Variants in FBXO42 observed in about 807,000 individuals in gnomAD.
FBXO42 encodes the protein F-box protein 42, also known as F-box only protein 42.
A neutral mutation model predicts 71.7 loss-of-function variants in FBXO42; 12 were observed. The ratio of observed to expected loss-of-function variants is 0.17; its 90% CI spans 0.11 to 0.27. FBXO42 has a LOEUF of 0.27. FBXO42 is among the 10% of genes least tolerant of loss of function. FBXO42 has a pLI of 1.00. For missense variants in FBXO42, 707 were observed against 911.9 expected (o/e 0.78, Z 2.89); for synonymous variants, 325 against 327.5 (o/e 0.99, Z 0.08).
At chr1:16,289,591 C>A (rs1180370507) in intron 4 of FBXO42, among the ~76,000 whole-genome samples, 1 of 152,098 alleles carries the variant, frequency 6.6e-6, no homozygotes, top group African/African-American at 2.4e-5. Flanking sequence ...GCTCCTCTAA[C>A]ATGTCCTTTT....
chr1:16,337,741 G>A (rs2082563821), intron 1 of FBXO42, among the ~76,000 whole-genome samples: 1 of 151,534 alleles, frequency 6.6e-6, no homozygotes, highest in Non-Finnish European at 1.5e-5. Context: ...AAAATTAGCT[G>A]GGCACGGCGA....
At chr1:16,279,854 C>CTTTTCTTTTCTT (rs144698838) in intron 4 of FBXO42, among the ~76,000 whole-genome samples, 1 of 138,168 alleles carries the variant, frequency 7.2e-6, no homozygotes, top group Non-Finnish European at 1.5e-5. Flanking sequence ...TTTTTTTTTT[C>CTTTTCTTTTCTT]TTTTTTTTTT....
intron 5 of FBXO42, among the ~76,000 whole-genome samples, chr1:16,256,381 T>C (rs1459753164): frequency 4.6e-5 from 7 of 152,196 alleles, no homozygotes; most frequent in Non-Finnish European, 1.0e-4. Context: ...TCTTCTATTT[T>C]TTCTCTTTAG....
intron 1 of FBXO42, among the ~76,000 whole-genome samples, chr1:16,324,679 T>C (rs981707877): frequency 1.3e-5 from 2 of 152,108 alleles, no homozygotes; most frequent in Non-Finnish European, 1.5e-5. Flanking sequence ...TAGTTGGCCA[T>C]GGTGGCGCAC....
At chr1:16,301,527 G>A (rs978632600) in intron 3 of FBXO42, among the ~76,000 whole-genome samples, 5 of 151,948 alleles carry the variant, frequency 3.3e-5, no homozygotes, top group Admixed American at 2.0e-4. Flanking sequence ...GCTGCGCGTG[G>A]TGGCAGGCAC....
rs563535037 is a variant in FBXO42 at position 16,250,419 on chromosome 1, T to C, written c.*251A>G. 1 of 156,556 alleles carries C rather than the reference T, an allele frequency of 6.4e-6. No homozygotes were observed. The highest frequency in any genetic ancestry group is 1.8e-4 in the East Asian group (1 of 5,440). 9.7% of individuals were successfully genotyped at this position (156,556 alleles called of 1,614,324 possible). On this transcript the variant is annotated 3_prime_UTR_variant, in exon 10 of 10. Coordinates refer to ENST00000375592, the MANE Select transcript of FBXO42 (RefSeq NM_018994.3). This position sits in a 1 kb window ranked among gnomAD's most constrained non-coding sequence, Gnocchi z 4.7. Reference sequence around the variant, plus strand: ...CCCTGTTAAAACACAGCAACAACTTTATCTGAACCAGGATGGAAATCTCTC... The same window carrying C: ...CCCTGTTAAAACACAGCAACAACTTCATCTGAACCAGGATGGAAATCTCTC...
intron 4 of FBXO42, among the ~76,000 whole-genome samples, chr1:16,282,137 T>C (rs2081970654): frequency 6.6e-6 from 1 of 152,144 alleles, no homozygotes; most frequent in Non-Finnish European, 1.5e-5. Flanking sequence ...AGCTCACATA[T>C]TATACAGTAA....
At chr1:16,303,760 T>C (rs983120543) in intron 3 of FBXO42, among the ~76,000 whole-genome samples, 7 of 151,966 alleles carry the variant, frequency 4.6e-5, no homozygotes, top group Admixed American at 2.6e-4. Context: ...TTTTATTTAT[T>C]TTTGAGACGG....
At chr1:16,326,014 T>TTGTGTGTGTGTG (rs34752325) in intron 1 of FBXO42, among the ~76,000 whole-genome samples, 2,870 of 137,484 alleles carry the variant, frequency 0.021, 68 homozygotes, top group Middle Eastern at 0.037. Flanking sequence ...GTGCCCAAAT[T>TTGTGTGTGTGTG]TGTGTGTGTG....
intron 1 of FBXO42, among the ~76,000 whole-genome samples, chr1:16,323,594 C>G (rs541155135): frequency 6.7e-6 from 1 of 149,216 alleles, no homozygotes; most frequent in South Asian, 2.1e-4. Flanking sequence ...GTCAGGAGTT[C>G]GAGACCAGCC....
intron 4 of FBXO42, among the ~76,000 whole-genome samples, chr1:16,290,568 T>C (rs2082067279): frequency 6.6e-6 from 1 of 152,004 alleles, no homozygotes; most frequent in Admixed American, 6.6e-5. Context: ...GGCACACACC[T>C]ATAATTCCAG....
chr1:16,279,396 C>T (rs1274286431), intron 4 of FBXO42, among the ~76,000 whole-genome samples: 2 of 152,254 alleles, frequency 1.3e-5, no homozygotes, highest in East Asian at 3.9e-4. Flanking sequence ...ATGACTGAGT[C>T]ACTACACTCC....
chr1:16,287,505 A>AG (rs1430330299), intron 4 of FBXO42, among the ~76,000 whole-genome samples: 4 of 152,330 alleles, frequency 2.6e-5, no homozygotes, highest in East Asian at 1.9e-4. Context: ...GAACAATACC[A>AG]GGGGGGCAAT....
chr1:16,262,184 G>C (rs766802120), intron 4 of FBXO42, among the ~76,000 whole-genome samples: 1 of 152,130 alleles, frequency 6.6e-6, no homozygotes, highest in Non-Finnish European at 1.5e-5. Flanking sequence ...ATATATGTGT[G>C]TGTGTATATG....
chr1:16,289,952 C>T (rs186190647), intron 4 of FBXO42, among the ~76,000 whole-genome samples: 13 of 152,242 alleles, frequency 8.5e-5, no homozygotes, highest in East Asian at 3.9e-4. Flanking sequence ...TACTTCATTC[C>T]GTTTGTTTCC....
rs1412872723 is a variant in FBXO42, at chr1:16,251,133, T to C, written c.1691A>G (p.Lys564Arg). The change falls in exon 10 of 10, where the codon AAA (lysine) becomes AGA (arginine). Residue 564 changes from lysine to arginine, a missense_variant. Physicochemically the swap from Lys to Arg is conservative, Grantham distance 26. This residue lies in a region of FBXO42 where 482 missense variants were observed against 587.1 expected (regional missense o/e 0.82). Coordinates refer to ENST00000375592, the MANE Select transcript of FBXO42 (RefSeq NM_018994.3). This position sits in a 1 kb window ranked among gnomAD's most constrained non-coding sequence, Gnocchi z 4.5. The stretch of plus-strand genomic sequence containing the variant: ...CGAGGGGCCTTTGGAGGACATCGCT[T>C]TGATGGCTTCCAGACTCCGACGCAG... ...GALRRSLEAI[K>R]AMSSKGPSAS... 2 of 1,614,018 alleles carry C rather than the reference T, an allele frequency of 1.2e-6. No homozygotes were observed. Among genetic ancestry groups the C allele is most frequent in the Non-Finnish European group, 1.7e-6 (2 of 1,180,030 alleles).
At chr1:16,263,884 C>T (rs1044233290) in intron 4 of FBXO42, among the ~76,000 whole-genome samples, 11 of 147,244 alleles carry the variant, frequency 7.5e-5, no homozygotes, top group Non-Finnish European at 1.2e-4. Context: ...AATCTTGGCT[C>T]GCTGCAACTT....
intron 4 of FBXO42, among the ~76,000 whole-genome samples, chr1:16,261,473 GC>G (rs2081710681): frequency 6.6e-6 from 1 of 152,040 alleles, no homozygotes; most frequent in African/African-American, 2.4e-5. Context: ...TATCTCCATG[GC>G]CTATTTTATG....
chr1:16,328,770 A>G (rs1298108987), intron 1 of FBXO42, among the ~76,000 whole-genome samples: 1 of 152,196 alleles, frequency 6.6e-6, no homozygotes, highest in Non-Finnish European at 1.5e-5. Flanking sequence ...CTCCTTGGTG[A>G]AACGGCAGAA....
Sources: allele counts gnomAD v4.1 joint callset (sites outside exome capture counted in the v4.1 genomes callset), GRCh38; gene constraint gnomAD v4.1.1; regional missense constraint gnomAD v4.1.1; non-coding constraint Gnocchi (gnomAD v3.1); transcripts MANE v1.5; gene names NCBI Gene and HGNC (gene_info 2026-07-23, HGNC 2026-07-21).